MCTP1: variants seen among roughly 807,000 people sequenced by gnomAD.
MCTP1 encodes multiple C2 and transmembrane domain-containing protein 1.
MCTP1 carries 69 observed loss-of-function variants against 120.6 expected under a neutral mutation model. That is an observed-to-expected ratio of 0.57 (90% CI 0.47 to 0.70). The LOEUF is 0.70. Ranked by LOEUF, MCTP1 falls within the 30% of genes least tolerant of loss-of-function variation. The probability of loss-of-function intolerance (pLI) is 0.00; values close to 1 mark genes in which losing one functional copy is unlikely to be tolerated. For synonymous variants in MCTP1, 529 were observed against 493.1 expected, an observed-to-expected ratio of 1.07 and a Z score of -0.96; for missense variants, 1,203 against 1,248.8, an observed-to-expected ratio of 0.96 and a Z score of 0.55.
chr5:94,733,332 T>C (rs1321116420), intron 19 of MCTP1, among the ~76,000 whole-genome samples: 2 of 152,184 alleles, frequency 1.3e-5, no homozygotes, highest in African/African-American at 4.8e-5. Flanking sequence ...CCAAAACCCA[T>C]ACTAATGTAA....
chr5:95,078,142 G>A (rs1754093413), intron 1 of MCTP1, among the ~76,000 whole-genome samples: 1 of 151,888 alleles, frequency 6.6e-6, no homozygotes, highest in South Asian at 2.1e-4. Context: ...TGGAGTCTCT[G>A]GGGAAAGCAA....
intron 1 of MCTP1, among the ~76,000 whole-genome samples, chr5:95,187,154 T>C (rs1417417857): frequency 1.3e-5 from 2 of 152,216 alleles, no homozygotes; most frequent in African/African-American, 4.8e-5. Context: ...TGCACTCCCA[T>C]GTTTATTGCT....
intron 1 of MCTP1, among the ~76,000 whole-genome samples, chr5:95,281,729 A>T (rs1039096517): frequency 1.3e-5 from 2 of 152,192 alleles, no homozygotes; most frequent in Non-Finnish European, 2.9e-5. Context: ...GATCATGATA[A>T]TCTCATTCGT....
At chr5:94,986,491 T>C (rs1160417063) in intron 2 of MCTP1, among the ~76,000 whole-genome samples, 1 of 152,150 alleles carries the variant, frequency 6.6e-6, no homozygotes, top group Admixed American at 6.6e-5. Context: ...ACCCTATCCC[T>C]GTGCTTAGGT....
intron 2 of MCTP1, among the ~76,000 whole-genome samples, chr5:94,997,728 T>G (rs1832894680): frequency 1.3e-5 from 2 of 152,194 alleles, no homozygotes; most frequent in African/African-American, 4.8e-5. Flanking sequence ...AAGTACACAG[T>G]TCACAGTAGA....
chr5:95,018,502 C>CT (rs1376387041), intron 1 of MCTP1, among the ~76,000 whole-genome samples: 1 of 82,378 alleles, frequency 1.2e-5, no homozygotes, highest in African/African-American at 3.0e-5. Flanking sequence ...GTTAAAGCAG[C>CT]ATTTTTTTTT....
intron 1 of MCTP1, among the ~76,000 whole-genome samples, chr5:95,093,101 A>T (rs1004213158): frequency 6.6e-6 from 1 of 152,242 alleles, no homozygotes; most frequent in African/African-American, 2.4e-5. Flanking sequence ...GAACACTACA[A>T]AATTAAAAGT....
chr5:94,752,117 A>ATATATATATATATAT (rs1768560275), intron 19 of MCTP1, among the ~76,000 whole-genome samples: 4 of 39,644 alleles, frequency 1.0e-4, no homozygotes, highest in African/African-American at 7.0e-4. Context: ...AAATATATAT[A>ATATATATATATATAT]TATATATATA....
intron 1 of MCTP1, among the ~76,000 whole-genome samples, chr5:95,146,836 A>T (rs1002394596): frequency 2.0e-5 from 3 of 152,104 alleles, no homozygotes; most frequent in Admixed American, 2.0e-4. Context: ...GTTTGGATAA[A>T]AACCGTGTAT....
intron 1 of MCTP1, among the ~76,000 whole-genome samples, chr5:95,061,437 TTTTTTTTTTTTTTTTTG>T (rs1749159667): frequency 1.5e-5 from 1 of 68,142 alleles, no homozygotes; most frequent in Non-Finnish European, 3.0e-5. Context: ...TTTTTTTTTT[TTTTTTTTTTTTTTTTTG>T]AGACGGAGTC....
At chr5:95,047,459 C>T (rs1744847801) in intron 1 of MCTP1, among the ~76,000 whole-genome samples, 1 of 152,140 alleles carries the variant, frequency 6.6e-6, no homozygotes, top group South Asian at 2.1e-4. Context: ...TGTGTCATGA[C>T]TGCCTGACCA....
intron 10 of MCTP1, among the ~76,000 whole-genome samples, chr5:94,896,342 C>T (rs969077595): frequency 1.3e-5 from 2 of 152,064 alleles, no homozygotes; most frequent in East Asian, 1.9e-4. Flanking sequence ...AGAGAATTGA[C>T]GAGAGACTAT....
At chr5:94,906,079 G>T (rs1252789784) in intron 10 of MCTP1, among the ~76,000 whole-genome samples, 1 of 152,166 alleles carries the variant, frequency 6.6e-6, no homozygotes, top group Non-Finnish European at 1.5e-5. Context: ...GTTAGACGAA[G>T]GTTGAAAACT....
At chr5:94,985,070 C>T (rs1330234734) in intron 2 of MCTP1, among the ~76,000 whole-genome samples, 1 of 152,100 alleles carries the variant, frequency 6.6e-6, no homozygotes, top group African/African-American at 2.4e-5. Context: ...TTATTCCCTA[C>T]TTATAAATCT....
At chr5:95,168,837 C>T (rs1746805354) in intron 1 of MCTP1, among the ~76,000 whole-genome samples, 1 of 152,188 alleles carries the variant, frequency 6.6e-6, no homozygotes, top group Non-Finnish European at 1.5e-5. Flanking sequence ...ATCATGTCAT[C>T]TGCAAACAGG....
chr5:95,108,904 C>T lies in MCTP1; in HGVS notation c.721-91420G>A, dbSNP rs1204842065. On this transcript the variant is annotated intron_variant, in intron 1 of 22. Transcript: ENST00000515393. ...GTAGCTACTTATTGTTCAGTATCTA[C>T]TATATACCAGATGTTATATTTTTTA... Among the ~76,000 whole-genome samples the T allele has an allele frequency of 2.0e-5, 3 of 152,142 alleles. No homozygotes were observed. The East Asian group carries it at 5.8e-4, about 29-fold the overall frequency.
chr5:95,073,669 G>A (rs1045454923), intron 1 of MCTP1, among the ~76,000 whole-genome samples: 1 of 152,158 alleles, frequency 6.6e-6, no homozygotes, highest in African/African-American at 2.4e-5. Flanking sequence ...TGAGAGGGAA[G>A]GGCAGGAATA....
rs146941737 is a variant in MCTP1, at chr5:94,877,128, T to C, written c.1934-3887A>G. Among the ~76,000 whole-genome samples, 579 of 152,168 alleles carry C rather than the reference T, an allele frequency of 3.8e-3. 3 individuals are homozygous for C. Among genetic ancestry groups the C allele is most frequent in the African/African-American group, 0.013 (550 of 41,552 alleles). ...GAAGCAAAGACTTTTCCAGTGGCTA[T>C]GACTCTGGTGATCTATGGTGATTGT... On this transcript the variant is annotated intron_variant, in intron 12 of 22. Transcript: ENST00000515393.
chr5:95,077,536 A>C (rs1387068330), intron 1 of MCTP1, among the ~76,000 whole-genome samples: 1 of 151,650 alleles, frequency 6.6e-6, no homozygotes, highest in Admixed American at 6.6e-5. Flanking sequence ...GCAGTGGCGC[A>C]ATCTCGGCTC....
Sources: allele counts gnomAD v4.1 joint callset (sites outside exome capture counted in the v4.1 genomes callset), GRCh38; gene constraint gnomAD v4.1.1; transcripts MANE v1.5; gene names NCBI Gene and HGNC (gene_info 2026-07-23, HGNC 2026-07-21).